Variants in CACNG3 observed in about 807,000 individuals in gnomAD.
CACNG3 encodes the protein voltage-dependent calcium channel gamma-3 subunit.
CACNG3 carries 3 observed loss-of-function variants against 28.5 expected under a neutral mutation model. The ratio of observed to expected loss-of-function variants is 0.11; its 90% confidence interval spans 0.05 to 0.27. The LOEUF (loss-of-function observed/expected upper bound fraction) is 0.27. Ranked by LOEUF, CACNG3 falls within the 10% of genes least tolerant of loss-of-function variation. CACNG3 has a pLI of 1.00. For missense variants in CACNG3, 236 were observed against 414.4 expected (o/e 0.57, Z 3.74); for synonymous variants, 174 against 162.2 (o/e 1.07, Z -0.55).
intron 1 of CACNG3, among the ~76,000 whole-genome samples, chr16:24,329,534 A>G (rs1197649587): frequency 6.6e-6 from 1 of 152,220 alleles, no homozygotes; most frequent in Non-Finnish European, 1.5e-5. Flanking sequence ...GCACATGTTT[A>G]TGTAGTTTGC....
chr16:24,294,296 C>T (rs1899002097), intron 1 of CACNG3, among the ~76,000 whole-genome samples: 1 of 152,154 alleles, frequency 6.6e-6, no homozygotes, highest in Admixed American at 6.5e-5. Context: ...CCGAATCAGC[C>T]AACACAAAGG....
chr16:24,258,086 G>C (rs1407676560), intron 1 of CACNG3, among the ~76,000 whole-genome samples: 1 of 152,180 alleles, frequency 6.6e-6, no homozygotes, highest in Non-Finnish European at 1.5e-5. Flanking sequence ...TGCGTTTCCT[G>C]TGTGGTCCCC....
intron 1 of CACNG3, among the ~76,000 whole-genome samples, chr16:24,275,060 A>G (rs1596623565): frequency 6.6e-6 from 1 of 152,178 alleles, no homozygotes; most frequent in Admixed American, 6.5e-5. Context: ...AAACTATTTC[A>G]GAATAATAAT....
intron 1 of CACNG3, among the ~76,000 whole-genome samples, chr16:24,257,373 GAGAGAGAGAGAGA>G (rs1898476251): frequency 1.0e-4 from 2 of 19,358 alleles, no homozygotes; most frequent in African/African-American, 6.6e-4. Flanking sequence ...AGGGGGGAGA[GAGAGAGAGAGAGA>G]GAGAGAGAGA....
At chr16:24,298,034 T>C (rs1899056230) in intron 1 of CACNG3, among the ~76,000 whole-genome samples, 1 of 151,968 alleles carries the variant, frequency 6.6e-6, no homozygotes, top group African/African-American at 2.4e-5. Context: ...ATTGCTTTTC[T>C]TTATTACAGA....
chr16:24,300,450 A>C (rs1031721993), intron 1 of CACNG3, among the ~76,000 whole-genome samples: 2 of 152,152 alleles, frequency 1.3e-5, no homozygotes, highest in African/African-American at 4.8e-5. Flanking sequence ...CTGGGGGGGA[A>C]ACCAGAAATC....
Position 24,361,954 on chromosome 16 carries a change from T to A in CACNG3, c.*91T>A. ...AGGTTGCATGGCATGGTCCTTGTGA[T>A]GGTATTACTTTTTACAAAGAATGAA... On this transcript the variant is annotated 3_prime_UTR_variant, in exon 4 of 4. Coordinates refer to ENST00000005284, the MANE Select transcript of CACNG3 (RefSeq NM_006539.4). The surrounding 1 kb of genome is among the most constrained non-coding windows in gnomAD (Gnocchi z 6.8). 1 of 1,290,704 alleles carries A rather than the reference T, an allele frequency of 7.7e-7. No homozygotes were observed. Among genetic ancestry groups the A allele is most frequent in the Non-Finnish European group, 1.1e-6 (1 of 945,602 alleles). The allele number at this position is 1,290,704 out of a possible 1,614,324, so 80.0% of individuals were successfully genotyped here. A position where few individuals can be genotyped will look rare whatever the true frequency, so the allele number is the denominator to read the frequency against.
intron 1 of CACNG3, among the ~76,000 whole-genome samples, chr16:24,276,138 A>C (rs1417889914): frequency 6.6e-6 from 1 of 152,258 alleles, no homozygotes; most frequent in African/African-American, 2.4e-5. Context: ...CAAATGCAAA[A>C]GCAGATATAA....
At chr16:24,338,575 C>T (rs1341948302) in intron 1 of CACNG3, among the ~76,000 whole-genome samples, 2 of 152,112 alleles carry the variant, frequency 1.3e-5, no homozygotes, top group Non-Finnish European at 2.9e-5. Flanking sequence ...GAACCCTTGA[C>T]CTCAAGTGAT....
chr16:24,342,496 A>C (rs1307959994), intron 1 of CACNG3, among the ~76,000 whole-genome samples: 2 of 152,108 alleles, frequency 1.3e-5, no homozygotes, highest in Admixed American at 6.5e-5. Flanking sequence ...TTTGCTTTCC[A>C]TTTTTGCCTT....
At chr16:24,316,704 A>G (rs1899356895) in intron 1 of CACNG3, among the ~76,000 whole-genome samples, 1 of 152,154 alleles carries the variant, frequency 6.6e-6, no homozygotes, top group Admixed American at 6.5e-5. Context: ...ACCCAGGCTG[A>G]CCCAGGCTGT....
chr16:24,319,231 G>A (rs1326930991), intron 1 of CACNG3, among the ~76,000 whole-genome samples: 1 of 152,200 alleles, frequency 6.6e-6, no homozygotes, highest in Non-Finnish European at 1.5e-5. Context: ...GAATACAGGT[G>A]CCATAGTGAA....
rs75699170 is a variant in CACNG3, at chr16:24,300,390, G to T, written c.211+43425G>T. On this transcript the variant is annotated intron_variant, in intron 1 of 3. Coordinates refer to ENST00000005284, the MANE Select transcript of CACNG3 (RefSeq NM_006539.4). ...TGAGGACTCTGGCAAACTGGAAATT[G>T]CATGGTCTGTTACAGAAATGCAGGC... Among the ~76,000 whole-genome samples the T allele has an allele frequency of 2.6e-3, 395 of 152,188 alleles. 17 individuals carry two copies. In the East Asian group the frequency reaches 0.064, roughly 24 times the overall value.
chr16:24,296,334 C>A (rs1899031745), intron 1 of CACNG3, among the ~76,000 whole-genome samples: 1 of 152,220 alleles, frequency 6.6e-6, no homozygotes, highest in Non-Finnish European at 1.5e-5. Flanking sequence ...TCTGAACTTG[C>A]AGCTCTTCCA....
chr16:24,322,679 C>A (rs1010790669), intron 1 of CACNG3, among the ~76,000 whole-genome samples: 1 of 152,166 alleles, frequency 6.6e-6, no homozygotes, highest in Non-Finnish European at 1.5e-5. Flanking sequence ...TTCTCAAATT[C>A]TACCCCCTCC....
intron 1 of CACNG3, among the ~76,000 whole-genome samples, chr16:24,301,149 T>C (rs1385854800): frequency 6.6e-6 from 1 of 150,866 alleles, no homozygotes; most frequent in Non-Finnish European, 1.5e-5. Context: ...AGGCAGAGGT[T>C]GCTGTGAACT....
intron 1 of CACNG3, among the ~76,000 whole-genome samples, chr16:24,267,168 G>A (rs148186032): frequency 2.2e-4 from 33 of 152,056 alleles, no homozygotes; most frequent in Middle Eastern, 3.4e-3. Flanking sequence ...GGGTTTCACC[G>A]TGTTAGCCAG....
chr16:24,290,501 C>G (rs1018256300), intron 1 of CACNG3, among the ~76,000 whole-genome samples: 2 of 152,238 alleles, frequency 1.3e-5, no homozygotes, highest in East Asian at 3.8e-4. Context: ...CTGACCTGAG[C>G]TGGCAAGCAG....
intron 1 of CACNG3, among the ~76,000 whole-genome samples, chr16:24,329,239 G>A (rs56334627): frequency 0.043 from 6,510 of 152,250 alleles, 478 homozygotes; most frequent in African/African-American, 0.15. Flanking sequence ...AATGGTTGCC[G>A]TGGCAACCAC....
Sources: gnomAD v4.1 joint callset for allele counts (sites outside exome capture counted in the v4.1 genomes callset) on GRCh38, gnomAD v4.1.1 for gene constraint, Gnocchi (gnomAD v3.1) non-coding constraint, MANE v1.5 for transcripts, NCBI Gene and HGNC (gene_info 2026-07-23, HGNC 2026-07-21) for gene names.